STEAP3: variants seen among roughly 807,000 people sequenced by gnomAD.
STEAP3 encodes the protein STEAP3 metalloreductase, also known as metalloreductase STEAP3.
Under a neutral mutation model 34.9 loss-of-function variants are expected in STEAP3, and 35 were observed. The ratio of observed to expected loss-of-function variants is 1.00; its 90% CI spans 0.76 to 1.33. The LOEUF (loss-of-function observed/expected upper bound fraction) is 1.33, where lower values mean the gene tolerates loss of function less well. Ranked by LOEUF, STEAP3 falls within the 40% of genes most tolerant of loss-of-function variation. The pLI, the probability that STEAP3 is intolerant of heterozygous loss-of-function variation, is 0.00. For synonymous variants in STEAP3, 281 were observed against 301.6 expected, an observed-to-expected ratio of 0.93 and a Z score of 0.71; for missense variants, 652 against 667.6, an observed-to-expected ratio of 0.98 and a Z score of 0.26.
At chr2:119,259,495 C>T (rs190525813) in intron 5 of STEAP3, among the ~76,000 whole-genome samples, 4 of 152,324 alleles carry the variant, frequency 2.6e-5, no homozygotes, top group African/African-American at 7.2e-5. Flanking sequence ...GAACCACTGG[C>T]CTGAGGCTGG....
intron 2 of STEAP3, among the ~76,000 whole-genome samples, chr2:119,236,933 G>T (rs1271820799): frequency 6.6e-6 from 1 of 152,138 alleles, no homozygotes; most frequent in African/African-American, 2.4e-5. Flanking sequence ...TTAGCCCAAG[G>T]CACCATTTTT....
intron 5 of STEAP3, chr2:119,257,609 A>G (rs749665570): frequency 9.9e-6 from 15 of 1,508,202 alleles, no homozygotes; most frequent in South Asian, 3.9e-5. Flanking sequence ...TGTCCACCCC[A>G]TATGGTCATC....
At chr2:119,239,556 C>A (rs1677185527) in intron 2 of STEAP3, 1 of 152,326 alleles carries the variant, frequency 6.6e-6, no homozygotes, top group African/African-American at 2.4e-5. Flanking sequence ...CTCGTTCACC[C>A]AGGGACATGC....
At chr2:119,226,795 C>T (rs879239545) in intron 1 of STEAP3, among the ~76,000 whole-genome samples, 1 of 152,152 alleles carries the variant, frequency 6.6e-6, no homozygotes, top group Non-Finnish European at 1.5e-5. Context: ...ATTCAGCCTC[C>T]CATGTGCCAG....
At chr2:119,255,290 T>C (rs2104840335) in intron 5 of STEAP3, among the ~76,000 whole-genome samples, 1 of 152,178 alleles carries the variant, frequency 6.6e-6, no homozygotes, top group East Asian at 1.9e-4. Flanking sequence ...CATCTCAACC[T>C]GGCTCTGTTG....
intron 1 of STEAP3, among the ~76,000 whole-genome samples, chr2:119,227,024 C>T (rs838104): frequency 1 from 151,590 of 152,296 alleles, 75,448 homozygotes; most frequent in Middle Eastern, 1. Context: ...AAACACTTAC[C>T]GAGCACTAAC....
At chr2:119,249,049 G>A (rs1191512656) in intron 4 of STEAP3, 2 of 120,490 alleles carry the variant, frequency 1.7e-5, no homozygotes, top group South Asian at 3.3e-4. Flanking sequence ...GGGTGATCAG[G>A]GATGACTCTG....
rs553893770 is a variant in STEAP3, at chr2:119,245,671, C to A, written c.205C>A (p.Arg69Ser). 6.2e-7 allele frequency: 1 copy of A among 1,612,728 alleles called. No homozygotes were observed. Among genetic ancestry groups the A allele is most frequent in the African/African-American group, 1.3e-5 (1 of 75,038 alleles). ...GSGFKVVVGS[R>S]NPKRTARLFP... ...TGGCTTCAAAGTGGTGGTGGGGAGC[C>A]GCAACCCCAAACGCACAGCCAGGCT... is the stretch of plus-strand genomic sequence containing the variant. The change falls in exon 3 of 6, where the codon CGC becomes AGC. Residue 69 changes from arginine to serine, a missense_variant. By Grantham distance (110) the Arg-to-Ser change is moderately radical. Coordinates refer to ENST00000393110, the MANE Select transcript of STEAP3 (RefSeq NM_182915.3).
In STEAP3 at chr2:119,223,884, C is replaced by T. The variant is rs1489739792; in HGVS notation, c.-398C>T. The T allele has an allele frequency of 6.6e-6, 1 of 152,220 alleles. No homozygotes were observed. Among genetic ancestry groups the T allele is most frequent in the Non-Finnish European group, 1.5e-5 (1 of 68,062 alleles). The allele number at this position is 152,220 out of a possible 1,614,324, so 9.4% of individuals were successfully genotyped here. ...CGCGGTCGCTCCGAGCGGCGGGCCG[C>T]AGAGGTGAGTGTACCCTCCCCCGGT... On this transcript the variant is annotated 5_prime_UTR_variant, in exon 1 of 6. Transcript: ENST00000393110.
At chr2:119,248,264 T>TC (rs67985074) in intron 4 of STEAP3, 58 bp downstream of exon 4, 69,576 of 1,319,456 alleles carry the variant, frequency 0.053, 953 homozygotes, top group Middle Eastern at 0.071. Context: ...GTCCAGCACC[T>TC]CCCCCCCCCA....
intron 1 of STEAP3, among the ~76,000 whole-genome samples, chr2:119,228,872 G>A (rs967135976): frequency 6.6e-6 from 1 of 152,130 alleles, no homozygotes; most frequent in African/African-American, 2.4e-5. Context: ...CCAGGGGGCA[G>A]CTGTCACAGC....
chr2:119,259,072 T>C (rs757825843), intron 5 of STEAP3, among the ~76,000 whole-genome samples: 17 of 151,946 alleles, frequency 1.1e-4, no homozygotes, highest in Non-Finnish European at 2.1e-4. Context: ...GGGTTCAGCT[T>C]TTAGAACCTA....
chr2:119,256,620 A>G (rs1191205033), intron 5 of STEAP3, among the ~76,000 whole-genome samples: 1 of 152,244 alleles, frequency 6.6e-6, no homozygotes, highest in Non-Finnish European at 1.5e-5. Flanking sequence ...AAGAGTGGAA[A>G]TACAAATAGG....
intron 1 of STEAP3, among the ~76,000 whole-genome samples, chr2:119,229,276 G>A (rs1244570225): frequency 6.6e-6 from 1 of 152,150 alleles, no homozygotes; most frequent in Admixed American, 6.5e-5. Context: ...CCGAGCAGCT[G>A]GGATTACAGG....
At chr2:119,231,574 C>T (rs534189079) in intron 2 of STEAP3, among the ~76,000 whole-genome samples, 1 of 152,240 alleles carries the variant, frequency 6.6e-6, no homozygotes, top group East Asian at 1.9e-4. Flanking sequence ...ATTATTCATT[C>T]ACTTTTATTT....
intron 5 of STEAP3, chr2:119,257,756 C>T: frequency 4.4e-6 from 6 of 1,364,614 alleles, no homozygotes; most frequent in Non-Finnish European, 5.6e-6. Flanking sequence ...CCATCACCCT[C>T]CCCTACACAC....
At chr2:119,226,477 G>C (rs965587917) in intron 1 of STEAP3, among the ~76,000 whole-genome samples, 1 of 152,148 alleles carries the variant, frequency 6.6e-6, no homozygotes. Flanking sequence ...CCCTCTAGGA[G>C]TTGGAAGGGT....
At chr2:119,227,860 C>T (rs140744819) in intron 1 of STEAP3, among the ~76,000 whole-genome samples, 11,558 of 137,974 alleles carry the variant, frequency 0.084, 652 homozygotes, top group African/African-American at 0.16. Context: ...GACAGAATCT[C>T]GCTCTGTCAC....
intron 5 of STEAP3, among the ~76,000 whole-genome samples, chr2:119,255,059 G>A (rs547397214): frequency 1.4e-4 from 21 of 152,306 alleles, no homozygotes; most frequent in Admixed American, 3.9e-4. Flanking sequence ...AACACATGAG[G>A]AAGCCAGACA....
Sources: gnomAD v4.1 joint callset for allele counts (sites outside exome capture counted in the v4.1 genomes callset) on GRCh38, gnomAD v4.1.1 for gene constraint, MANE v1.5 for transcripts, NCBI Gene and HGNC (gene_info 2026-07-23, HGNC 2026-07-21) for gene names.